Variants in PSMA1 observed in about 807,000 individuals in gnomAD.
The protein encoded by PSMA1 is proteasome subunit alpha type-1.
In PSMA1, 3 loss-of-function variants were observed where a neutral mutation model predicts 38.4. The observed-to-expected ratio is 0.08, with a 90% CI of 0.04 to 0.20. PSMA1 has a LOEUF of 0.20. Among genes scored for constraint, PSMA1 ranks in the 10% least tolerant of loss-of-function variants. The pLI is 1.00. For synonymous variants in PSMA1, 101 were observed against 107.1 expected, an observed-to-expected ratio of 0.94 and a Z score of 0.35; for missense variants, 227 against 325.3, an observed-to-expected ratio of 0.70 and a Z score of 2.32.
At chr11:14,629,935 G>A (rs1852976593) in intron 1 of PSMA1, among the ~76,000 whole-genome samples, 1 of 152,028 alleles carries the variant, frequency 6.6e-6, no homozygotes. Flanking sequence ...AAGCAACTGT[G>A]AATGGGAGTT....
At chr11:14,518,968 A>C (rs1390145174) in intron 2 of PSMA1, 29 bp downstream of exon 2, 1 of 1,531,752 alleles carries the variant, frequency 6.5e-7, no homozygotes, top group Non-Finnish European at 8.9e-7. Flanking sequence ...AAGCCACTTC[A>C]CAGAAAAGGT....
chr11:14,574,551 C>G (rs1281076078), intron 2 of PSMA1, among the ~76,000 whole-genome samples: 3 of 152,094 alleles, frequency 2.0e-5, no homozygotes, highest in Non-Finnish European at 2.9e-5. Flanking sequence ...TGGTAGTTCC[C>G]ATAATCCCCA....
intron 1 of PSMA1, among the ~76,000 whole-genome samples, chr11:14,630,425 T>C (rs1481563494): frequency 6.6e-6 from 1 of 152,248 alleles, no homozygotes; most frequent in Non-Finnish European, 1.5e-5. Flanking sequence ...GAGATAATCA[T>C]CTGGTTTTTG....
chr11:14,557,188 A>T (rs1851950039), intron 2 of PSMA1, among the ~76,000 whole-genome samples: 1 of 152,030 alleles, frequency 6.6e-6, no homozygotes, highest in South Asian at 2.1e-4. Context: ...CTGACTTTCT[A>T]GGTTTCTTAT....
intron 2 of PSMA1, among the ~76,000 whole-genome samples, chr11:14,589,336 T>C (rs1852384184): frequency 1.3e-5 from 2 of 149,126 alleles, no homozygotes; most frequent in Admixed American, 1.4e-4. Flanking sequence ...AAGATATATA[T>C]ATATATGTGT....
At chr11:14,526,095 G>A (rs2597214) in intron 2 of PSMA1, among the ~76,000 whole-genome samples, 100,936 of 151,954 alleles carry the variant, frequency 0.66, 33,775 homozygotes, top group African/African-American at 0.7. Context: ...TCTCCCTGCC[G>A]ACTGTGTCCA....
At chr11:14,553,344 C>G (rs187303987) in intron 2 of PSMA1, among the ~76,000 whole-genome samples, 92 of 152,158 alleles carry the variant, frequency 6.0e-4, no homozygotes, top group Non-Finnish European at 1.1e-3. Context: ...TTTACCTATA[C>G]TCGTGTGTGT....
At chr11:14,567,618 G>A (rs749560547) in intron 2 of PSMA1, among the ~76,000 whole-genome samples, 1 of 152,180 alleles carries the variant, frequency 6.6e-6, no homozygotes, top group Non-Finnish European at 1.5e-5. Flanking sequence ...AACTTTTGTG[G>A]TCATTTACAG....
At chr11:14,552,383 T>C (rs949119059) in intron 2 of PSMA1, among the ~76,000 whole-genome samples, 3 of 152,194 alleles carry the variant, frequency 2.0e-5, no homozygotes, top group Non-Finnish European at 2.9e-5. Flanking sequence ...ATGATGGGGA[T>C]GTGGAGTTCA....
At chr11:14,522,828 A>G (rs1174330859), upstream of PSMA1, among the ~76,000 whole-genome samples, 1 of 152,238 alleles carries the variant, frequency 6.6e-6, no homozygotes, top group South Asian at 2.1e-4. Flanking sequence ...CACTGAATCT[A>G]GTTTAAATAA....
At chr11:14,581,406 T>A (rs1852280667) in intron 2 of PSMA1, among the ~76,000 whole-genome samples, 1 of 152,176 alleles carries the variant, frequency 6.6e-6, no homozygotes, top group Non-Finnish European at 1.5e-5. Context: ...TTAATTAACT[T>A]CTATGTGCCT....
chr11:14,535,449 T>A (rs1419176409), intron 2 of PSMA1, among the ~76,000 whole-genome samples: 1 of 151,218 alleles, frequency 6.6e-6, no homozygotes, highest in African/African-American at 2.4e-5. Flanking sequence ...TCTTTCTTTT[T>A]TTTTTTTTTT....
upstream of PSMA1, among the ~76,000 whole-genome samples, chr11:14,523,258 A>G (rs756529300): frequency 2.6e-5 from 4 of 152,132 alleles, no homozygotes; most frequent in Non-Finnish European, 5.9e-5. Flanking sequence ...ATACATCGTT[A>G]AAAACAACAA....
At chr11:14,520,593 A>C, upstream of PSMA1, 1 of 837,320 alleles carries the variant, frequency 1.2e-6, no homozygotes, top group Non-Finnish European at 1.7e-6. Flanking sequence ...CCTGTCACGT[A>C]GCCCTTCTAG....
At chr11:14,616,629 G>C (rs995364746) in intron 1 of PSMA1, among the ~76,000 whole-genome samples, 8 of 152,282 alleles carry the variant, frequency 5.3e-5, no homozygotes, top group Admixed American at 5.2e-4. Context: ...AATAATAATA[G>C]TAATGATAGC....
At position 14,507,773 on chromosome 11, in the gene PSMA1, G is replaced by C; in HGVS notation, c.625-7C>G. 2.0e-6 allele frequency: 3 copies of C among 1,484,588 alleles called. No individual in the cohort carries two copies. The highest frequency in any genetic ancestry group is 1.9e-6 in the Non-Finnish European group (2 of 1,073,452). 92.0% of individuals were successfully genotyped at this position (1,484,588 alleles called of 1,614,324 possible). ...CAATTCCAATGGAAACATTCTGAAG[G>C]GTAAAATATGGTAAAAGTAAAATAA... On this transcript the variant is annotated splice_polypyrimidine_tract_variant and splice_region_variant and intron_variant, in intron 8 of 9. Coordinates refer to ENST00000396394, the MANE Select transcript of PSMA1 (RefSeq NM_002786.4).
At chr11:14,579,752 C>G (rs1267621046) in intron 2 of PSMA1, among the ~76,000 whole-genome samples, 1 of 152,098 alleles carries the variant, frequency 6.6e-6, no homozygotes, top group Admixed American at 6.5e-5. Context: ...CCCCCTCAAA[C>G]CTTTGGCCTA....
At chr11:14,530,379 T>G (rs747870972) in intron 2 of PSMA1, among the ~76,000 whole-genome samples, 1 of 152,200 alleles carries the variant, frequency 6.6e-6, no homozygotes, top group African/African-American at 2.4e-5. Flanking sequence ...GTTTTCCACT[T>G]TATTATAAAA....
chr11:14,542,408 G>A (rs933270649), intron 2 of PSMA1, among the ~76,000 whole-genome samples: 2 of 151,818 alleles, frequency 1.3e-5, no homozygotes, highest in African/African-American at 2.4e-5. Context: ...CTGTAAGCAG[G>A]GAAAAAAAAA....
Sources: allele counts gnomAD v4.1 joint callset (sites outside exome capture counted in the v4.1 genomes callset), GRCh38; gene constraint gnomAD v4.1.1; transcripts MANE v1.5; gene names NCBI Gene and HGNC (gene_info 2026-07-23, HGNC 2026-07-21).